The following NALF1 variants were observed in gnomAD, a reference collection of about 807,000 sequenced individuals.
NALF1 encodes the protein family with sequence similarity 155 member A.
A neutral mutation model predicts 48.4 loss-of-function variants in NALF1; 3 were observed. The ratio of observed to expected loss-of-function variants is 0.06; its 90% confidence interval spans 0.03 to 0.16. The LOEUF (loss-of-function observed/expected upper bound fraction) is 0.16. Ranked by LOEUF, NALF1 falls within the 10% of genes least tolerant of loss-of-function variation. The probability of loss-of-function intolerance (pLI) is 1.00; values close to 1 mark genes in which losing one functional copy is unlikely to be tolerated. For missense variants in NALF1, 526 were observed against 571.5 expected (o/e 0.92, Z 0.81); for synonymous variants, 262 against 245.7 (o/e 1.07, Z -0.62).
chr13:107,239,541 A>T (rs190691077), intron 1 of NALF1, among the ~76,000 whole-genome samples: 2 of 152,364 alleles, frequency 1.3e-5, no homozygotes, highest in African/African-American at 4.8e-5. Flanking sequence ...CACATTCACA[A>T]GGACCAAGGG....
chr13:107,209,693 A>G lies in NALF1; in HGVS notation c.1087+891T>C, dbSNP rs867182497. On this transcript the variant is annotated intron_variant, in intron 2 of 2. Coordinates refer to ENST00000375915, the MANE Select transcript of NALF1 (RefSeq NM_001080396.3). ...TGTTTTAGAGGAGTTTGGCAAGTCT[A>G]ATGTCAGAAGAGCATTTTCATGTGT... 2.0e-5 allele frequency among the ~76,000 whole-genome samples: 3 copies of G among 152,188 alleles called. 1 individual carries two copies. In the South Asian group the frequency reaches 6.2e-4, roughly 32 times the overall value.
At position 107,360,637 on chromosome 13, in the gene NALF1, C is replaced by T. The variant is rs572961122; in HGVS notation, c.916-149882G>A. Among the ~76,000 whole-genome samples the T allele has an allele frequency of 3.5e-3, 531 of 152,066 alleles. 3 individuals carry two copies. Among genetic ancestry groups the T allele is most frequent in the Non-Finnish European group, 5.9e-3 (400 of 67,998 alleles). On this transcript the variant is annotated intron_variant, in intron 1 of 2. Transcript: ENST00000375915. The stretch of plus-strand genomic sequence containing the variant: ...TCTGGATTAGTTTGAAGTAAATAAC[C>T]GACATTATATTAATATACTTCATTT...
intron 1 of NALF1, among the ~76,000 whole-genome samples, chr13:107,706,444 A>G (rs963924105): frequency 6.6e-6 from 1 of 152,240 alleles, no homozygotes; most frequent in Non-Finnish European, 1.5e-5. Context: ...TCTCACATGC[A>G]TTCTTTTTAA....
chr13:107,453,271 C>A, intron 1 of NALF1, among the ~76,000 whole-genome samples: 1 of 152,208 alleles, frequency 6.6e-6, no homozygotes, highest in East Asian at 1.9e-4. Flanking sequence ...TCCATGAGGG[C>A]TCCGCCCCTT....
At chr13:107,174,946 C>T (rs561920495) in intron 2 of NALF1, among the ~76,000 whole-genome samples, 165 of 150,976 alleles carry the variant, frequency 1.1e-3, no homozygotes, top group African/African-American at 3.8e-3. Context: ...TGCAGCGGCG[C>T]GATCTCGGCT....
intron 1 of NALF1, among the ~76,000 whole-genome samples, chr13:107,394,723 T>C (rs1381044822): frequency 6.6e-6 from 1 of 152,166 alleles, no homozygotes; most frequent in Non-Finnish European, 1.5e-5. Flanking sequence ...GGCAAACTTT[T>C]CATAGGAGAA....
intron 2 of NALF1, among the ~76,000 whole-genome samples, chr13:107,207,202 C>T (rs1035556159): frequency 1.3e-5 from 2 of 151,944 alleles, no homozygotes; most frequent in Admixed American, 1.3e-4. Context: ...TCTCCCTTCC[C>T]ATTTCTTTTT....
chr13:107,431,131 A>G (rs1048866938), intron 1 of NALF1, among the ~76,000 whole-genome samples: 2 of 152,136 alleles, frequency 1.3e-5, no homozygotes, highest in East Asian at 3.8e-4. Context: ...TTCTTTGCCC[A>G]TTGAGCTTTC....
At chr13:107,698,613 G>C (rs978022909) in intron 1 of NALF1, among the ~76,000 whole-genome samples, 1 of 151,952 alleles carries the variant, frequency 6.6e-6, no homozygotes, top group African/African-American at 2.4e-5. Context: ...TGACTAAAAT[G>C]TTCCCCAAGA....
intron 1 of NALF1, among the ~76,000 whole-genome samples, chr13:107,472,199 G>A (rs1885111687): frequency 6.6e-6 from 1 of 152,064 alleles, no homozygotes; most frequent in South Asian, 2.1e-4. Flanking sequence ...CATAGTGGCG[G>A]GCACCTGTAA....
chr13:107,602,664 A>G (rs187546501), intron 1 of NALF1, among the ~76,000 whole-genome samples: 1 of 152,358 alleles, frequency 6.6e-6, no homozygotes, highest in Non-Finnish European at 1.5e-5. Context: ...AGGAGTGCTT[A>G]AAAATTTAAC....
intron 1 of NALF1, among the ~76,000 whole-genome samples, chr13:107,287,646 A>T (rs1881521649): frequency 6.6e-6 from 1 of 151,770 alleles, no homozygotes; most frequent in Admixed American, 6.6e-5. Context: ...ATTATACAAG[A>T]TCATGACTAG....
rs9301206 is a variant in NALF1, at chr13:107,294,212, G to C, written c.916-83457C>G. On this transcript the variant is annotated intron_variant, in intron 1 of 2. Transcript: ENST00000375915. ...GACAAAGGAGAAGAATGCTGCTTCA[G>C]ATGCTGCAGATATCTAAAATGAGTT... Among the ~76,000 whole-genome samples, 327 of 152,282 alleles carry C rather than the reference G, an allele frequency of 2.1e-3. 2 individuals are homozygous for C. Among genetic ancestry groups the C allele is most frequent in the African/African-American group, 7.6e-3 (315 of 41,552 alleles).
intron 1 of NALF1, among the ~76,000 whole-genome samples, chr13:107,465,413 C>T (rs1407591839): frequency 6.6e-6 from 1 of 151,694 alleles, no homozygotes; most frequent in Non-Finnish European, 1.5e-5. Flanking sequence ...TTTCTTTACC[C>T]TCCTAATTTA....
At chr13:107,629,671 C>T (rs1485096025) in intron 1 of NALF1, among the ~76,000 whole-genome samples, 1 of 151,906 alleles carries the variant, frequency 6.6e-6, no homozygotes, top group East Asian at 1.9e-4. Flanking sequence ...TTCTCGATAA[C>T]TCCTTTTTCT....
At chr13:107,665,030 T>A (rs1484532029) in intron 1 of NALF1, among the ~76,000 whole-genome samples, 1 of 152,048 alleles carries the variant, frequency 6.6e-6, no homozygotes, top group Non-Finnish European at 1.5e-5. Context: ...AAAGCAAACA[T>A]ATAATGGTTA....
chr13:107,752,971 A>G (rs1876981043), intron 1 of NALF1, among the ~76,000 whole-genome samples: 3 of 152,360 alleles, frequency 2.0e-5, no homozygotes, highest in Middle Eastern at 6.8e-3. Context: ...GACTTGTGTT[A>G]CCAACTTTGT....
At chr13:107,547,627 C>T in intron 1 of NALF1, among the ~76,000 whole-genome samples, 1 of 152,154 alleles carries the variant, frequency 6.6e-6, no homozygotes, top group Non-Finnish European at 1.5e-5. Context: ...ACATGCAGCA[C>T]ATGGTGAAGC....
chr13:107,323,366 T>C (rs1415483483), intron 1 of NALF1, among the ~76,000 whole-genome samples: 1 of 152,216 alleles, frequency 6.6e-6, no homozygotes, highest in Non-Finnish European at 1.5e-5. Flanking sequence ...AATCACTATT[T>C]TAAAATTATT....
Sources: allele counts gnomAD v4.1 joint callset (sites outside exome capture counted in the v4.1 genomes callset), GRCh38; gene constraint gnomAD v4.1.1; transcripts MANE v1.5; gene names NCBI Gene and HGNC (gene_info 2026-07-23, HGNC 2026-07-21).